The following RTL4 variants were observed in gnomAD, a reference collection of about 807,000 sequenced individuals.
RTL4 encodes retrotransposon Gag-like protein 4.
A neutral mutation model predicts 5.3 loss-of-function variants in RTL4; 4 were observed. The ratio of observed to expected loss-of-function variants is 0.75; its 90% confidence interval spans 0.37 to 1.72. The LOEUF (loss-of-function observed/expected upper bound fraction) is 1.72, where lower values mean the gene tolerates loss of function less well. Ranked by LOEUF, RTL4 falls within the 40% of genes most tolerant of loss-of-function variation. The pLI is 0.04. For missense variants in RTL4, 260 were observed against 227.1 expected (o/e 1.14, Z -0.93); for synonymous variants, 98 against 87.3 (o/e 1.12, Z -0.68).
the RTL4 span, among the ~76,000 whole-genome samples, chrX:112,321,500 C>G: frequency 4.2e-4 from 42 of 99,931 alleles, no homozygotes; most frequent in African/African-American, 1.6e-3. Context: ...CATGCCCCTG[C>G]ACTCCAGCCT....
the RTL4 span, among the ~76,000 whole-genome samples, chrX:112,442,496 G>A: frequency 9.1e-6 from 1 of 110,179 alleles, no homozygotes; most frequent in South Asian, 3.9e-4. Context: ...TGATCTACCC[G>A]CCTCAGCCTC....
chrX:112,353,084 G>C, the RTL4 span, among the ~76,000 whole-genome samples: 1 of 111,996 alleles, frequency 8.9e-6, no homozygotes, highest in Non-Finnish European at 1.9e-5. Context: ...ATGAAAAAAT[G>C]CTCATCATCA....
the RTL4 span, among the ~76,000 whole-genome samples, chrX:112,329,369 T>C: frequency 9.0e-6 from 1 of 111,469 alleles, no homozygotes; most frequent in African/African-American, 3.3e-5. Flanking sequence ...CATGACAGAA[T>C]ACTACAAATA....
At chrX:112,116,450 C>A in the RTL4 span, among the ~76,000 whole-genome samples, 1 of 110,921 alleles carries the variant, frequency 9.0e-6, no homozygotes, top group Middle Eastern at 4.6e-3. Flanking sequence ...GAAGGGGACC[C>A]AAGCAGGTTG....
the RTL4 span, among the ~76,000 whole-genome samples, chrX:112,330,369 G>A: frequency 3.2e-5 from 3 of 93,252 alleles, no homozygotes; most frequent in African/African-American, 9.5e-5. Context: ...ACCAACAACA[G>A]ACAGAGAGCC....
the RTL4 span, among the ~76,000 whole-genome samples, chrX:112,281,521 G>A: frequency 9.0e-6 from 1 of 110,990 alleles, no homozygotes; most frequent in East Asian, 2.9e-4. Flanking sequence ...TGGGACTTTT[G>A]GATGATACAG....
At chrX:112,112,856 G>C in the RTL4 span, among the ~76,000 whole-genome samples, 2 of 111,715 alleles carry the variant, frequency 1.8e-5, no homozygotes, top group African/African-American at 6.5e-5. Flanking sequence ...GGGAGTCAGA[G>C]TGCAGGGGAA....
At chrX:112,129,222 G>A in the RTL4 span, among the ~76,000 whole-genome samples, 2 of 111,536 alleles carry the variant, frequency 1.8e-5, no homozygotes, top group African/African-American at 6.5e-5. Context: ...GAAGAAATTA[G>A]AACCCTTTTG....
At chrX:112,308,914 C>T in the RTL4 span, among the ~76,000 whole-genome samples, 118 of 111,480 alleles carry the variant, frequency 1.1e-3, no homozygotes, top group Middle Eastern at 0.018. Context: ...CTTCTGTTAC[C>T]CAGTGCCCTT....
chrX:112,131,493 C>A, the RTL4 span, among the ~76,000 whole-genome samples: 1 of 111,705 alleles, frequency 9.0e-6, no homozygotes, highest in Non-Finnish European at 1.9e-5. Flanking sequence ...AAGGGGACAG[C>A]ATAAGTTTAG....
chrX:112,265,383 G>A, the RTL4 span, among the ~76,000 whole-genome samples: 1 of 111,921 alleles, frequency 8.9e-6, no homozygotes, highest in Non-Finnish European at 1.9e-5. Context: ...TTCAGAAGAA[G>A]ACAGGAAGGG....
the RTL4 span, among the ~76,000 whole-genome samples, chrX:112,145,067 C>G: frequency 2.7e-5 from 3 of 110,752 alleles, no homozygotes; most frequent in East Asian, 8.6e-4. Context: ...GGGTTCTGTT[C>G]AGGAGCTCTT....
At chrX:112,402,970 G>C in the RTL4 span, among the ~76,000 whole-genome samples, 2 of 111,639 alleles carry the variant, frequency 1.8e-5, no homozygotes, top group African/African-American at 6.5e-5. Flanking sequence ...CGAACGTCTT[G>C]AATTTGTTTT....
the RTL4 span, among the ~76,000 whole-genome samples, chrX:112,168,994 C>CTTT: frequency 3.0e-4 from 22 of 73,319 alleles, no homozygotes; most frequent in Non-Finnish European, 4.6e-4. Context: ...TTCTTTCTTT[C>CTTT]CTTTCTTTCC....
At chrX:112,424,842 A>AC in the RTL4 span, among the ~76,000 whole-genome samples, 2 of 109,517 alleles carry the variant, frequency 1.8e-5, no homozygotes, top group Non-Finnish European at 3.8e-5. Flanking sequence ...ATATTCTCTG[A>AC]CCCCCTCGCC....
the RTL4 span, among the ~76,000 whole-genome samples, chrX:112,308,135 G>A: frequency 9.0e-6 from 1 of 111,291 alleles, no homozygotes; most frequent in Non-Finnish European, 1.9e-5. Context: ...ACTTTCTGGG[G>A]GTTTTAGCTA....
the RTL4 span, among the ~76,000 whole-genome samples, chrX:112,327,046 A>G: frequency 8.9e-6 from 1 of 112,053 alleles, no homozygotes; most frequent in Non-Finnish European, 1.9e-5. Context: ...TAAAACCACA[A>G]AGATGGGGAA....
chrX:112,336,318 A>G, the RTL4 span, among the ~76,000 whole-genome samples: 1 of 111,153 alleles, frequency 9.0e-6, no homozygotes, highest in Non-Finnish European at 1.9e-5. Context: ...GGCATATATT[A>G]TTTTCCCCCA....
chrX:112,298,733 G>T, the RTL4 span, among the ~76,000 whole-genome samples: 7 of 112,764 alleles, frequency 6.2e-5, no homozygotes, highest in Non-Finnish European at 1.1e-4. Flanking sequence ...TGTGCAAACT[G>T]CCCTTTGGGG....
Sources: gnomAD v4.1 joint callset for allele counts (sites outside exome capture counted in the v4.1 genomes callset) on GRCh38, gnomAD v4.1.1 for gene constraint, MANE v1.5 for transcripts, NCBI Gene and HGNC (gene_info 2026-07-23, HGNC 2026-07-21) for gene names.